Variants in SLC24A4 observed in about 807,000 individuals in gnomAD.
The protein encoded by SLC24A4 is sodium/potassium/calcium exchanger 4.
SLC24A4 carries 53 observed loss-of-function variants against 79.0 expected under a neutral mutation model. The ratio of observed to expected loss-of-function variants is 0.67; its 90% CI spans 0.54 to 0.84. The LOEUF (loss-of-function observed/expected upper bound fraction) is 0.84. Ranked by LOEUF, SLC24A4 falls within the 40% of genes least tolerant of loss-of-function variation. The pLI is 0.00. For synonymous variants in SLC24A4, 323 were observed against 323.8 expected (o/e 1.00, Z 0.03); for missense variants, 731 against 822.0 (o/e 0.89, Z 1.35).
At chr14:92,406,458 G>A (rs1050126632) in intron 2 of SLC24A4, among the ~76,000 whole-genome samples, 1 of 152,198 alleles carries the variant, frequency 6.6e-6, no homozygotes, top group Non-Finnish European at 1.5e-5. Context: ...CCTCTGCATG[G>A]CCCTAGTAGA....
chr14:92,345,410 G>A (rs1311713584), intron 2 of SLC24A4, among the ~76,000 whole-genome samples: 2 of 152,178 alleles, frequency 1.3e-5, no homozygotes, highest in African/African-American at 2.4e-5. Flanking sequence ...CAAAAGCATA[G>A]CACTTACAGG....
intron 2 of SLC24A4, among the ~76,000 whole-genome samples, chr14:92,385,272 T>C (rs1422705325): frequency 2.0e-5 from 3 of 152,094 alleles, no homozygotes; most frequent in African/African-American, 7.2e-5. Context: ...TTCGGGAGGC[T>C]GAGGTGGGCG....
chr14:92,462,675 G>C (rs1402927255), intron 12 of SLC24A4: 1 of 152,050 alleles, frequency 6.6e-6, no homozygotes, highest in South Asian at 2.1e-4. Context: ...TGGGATTATA[G>C]GCATGAGCCA....
At chr14:92,346,329 C>T (rs780400580) in intron 2 of SLC24A4, among the ~76,000 whole-genome samples, 33 of 152,148 alleles carry the variant, frequency 2.2e-4, no homozygotes, top group Non-Finnish European at 4.1e-4. Flanking sequence ...TCAGTTTTTC[C>T]GTCTGTAAAC....
At position 92,474,863 on chromosome 14, in the gene SLC24A4, A is replaced by ATATATATATATATAT. The variant is rs36185636; in HGVS notation, c.1256-7816_1256-7815insATATATATATATATT. Among the ~76,000 whole-genome samples the ATATATATATATATAT allele has an allele frequency of 3.3e-3, 189 of 57,082 alleles. 8 individuals are homozygous for ATATATATATATATAT. Among genetic ancestry groups the ATATATATATATATAT allele is most frequent in the African/African-American group, 7.6e-3 (117 of 15,388 alleles). The allele number at this position is 57,082 out of a possible 152,430, so 37.4% of individuals were successfully genotyped here. ...TGTGTGTATATATATATATATATAT[A>ATATATATATATATAT]TTTTTTTTTTTTTTAGTAGACACAG... On this transcript the variant is annotated intron_variant, in intron 12 of 16. Transcript: ENST00000532405.
chr14:92,474,863 A>ATATATATATATATATATATATGT, intron 12 of SLC24A4, among the ~76,000 whole-genome samples: 1 of 57,124 alleles, frequency 1.8e-5, no homozygotes, highest in Non-Finnish European at 3.4e-5. Flanking sequence ...ATATATATAT[A>ATATATATATATATATATATATGT]TTTTTTTTTT....
intron 12 of SLC24A4, among the ~76,000 whole-genome samples, chr14:92,464,477 C>A (rs537485854): frequency 6.6e-6 from 1 of 152,296 alleles, no homozygotes; most frequent in East Asian, 1.9e-4. Flanking sequence ...CCCAACAGAT[C>A]TTCGCATGCC....
At chr14:92,482,653 T>C in intron 12 of SLC24A4, 27 bp from the exon 13 acceptor site, 1 of 1,574,252 alleles carries the variant, frequency 6.4e-7, no homozygotes, top group South Asian at 1.2e-5. Context: ...TCCCCCTCCT[T>C]TCTCACTCTG....
At chr14:92,401,437 C>T (rs1890106840) in intron 2 of SLC24A4, among the ~76,000 whole-genome samples, 1 of 152,068 alleles carries the variant, frequency 6.6e-6, no homozygotes, top group South Asian at 2.1e-4. Context: ...CTAGTATGGC[C>T]TAAATGTGGA....
intron 8 of SLC24A4, among the ~76,000 whole-genome samples, chr14:92,445,772 C>T (rs958834857): frequency 6.6e-6 from 1 of 152,050 alleles, no homozygotes; most frequent in Admixed American, 6.6e-5. Flanking sequence ...CAGATCCCTA[C>T]CTCACACCTT....
chr14:92,403,192 C>T (rs1890199693), intron 2 of SLC24A4, among the ~76,000 whole-genome samples: 1 of 152,106 alleles, frequency 6.6e-6, no homozygotes, highest in African/African-American at 2.4e-5. Flanking sequence ...GGTGAGCAGC[C>T]TCTTCTCAGC....
chr14:92,439,278 T>G, intron 3 of SLC24A4, 57 bp from the exon 4 acceptor site: 1 of 1,488,940 alleles, frequency 6.7e-7, no homozygotes, highest in South Asian at 1.1e-5. Flanking sequence ...TGGTGGGCCC[T>G]TTGCAGCTGC....
At position 92,486,700 on chromosome 14, in the gene SLC24A4, A is replaced by G; in HGVS notation, c.1457A>G (p.Asp486Gly). Residue 486 changes from aspartate to glycine, a missense_variant, in exon 14 of 17, where the codon GAT (aspartate) becomes GGT (glycine). Coordinates refer to ENST00000532405, the MANE Select transcript of SLC24A4 (RefSeq NM_153646.4). ...TIIGYTLGIP[D>G]VIMGITFLAA... ...ATCGGATACACACTTGGGATCCCGG[A>G]TGTCATCATGGGCATTACTTTCCTG... 1 of 1,614,078 alleles carries G rather than the reference A, an allele frequency of 6.2e-7. No individual in the cohort carries two copies. Among genetic ancestry groups the G allele is most frequent in the Non-Finnish European group, 8.5e-7 (1 of 1,179,966 alleles).
At chr14:92,454,201 T>G (rs1247233923) in intron 11 of SLC24A4, 132 bp downstream of exon 11, 5 of 896,820 alleles carry the variant, frequency 5.6e-6, no homozygotes, top group Admixed American at 6.8e-5. Flanking sequence ...TCCAGAAGCC[T>G]GCCCATCAGC....
At chr14:92,393,868 A>C (rs1344296540) in intron 2 of SLC24A4, among the ~76,000 whole-genome samples, 1 of 151,710 alleles carries the variant, frequency 6.6e-6, no homozygotes, top group African/African-American at 2.4e-5. Context: ...AAAATTAGCC[A>C]GGTATGGTGG....
intron 13 of SLC24A4, among the ~76,000 whole-genome samples, chr14:92,485,374 A>T (rs1895291674): frequency 6.6e-6 from 1 of 152,008 alleles, no homozygotes; most frequent in Non-Finnish European, 1.5e-5. Flanking sequence ...CTGAAGTGGG[A>T]GGATTGCTTA....
intron 2 of SLC24A4, among the ~76,000 whole-genome samples, chr14:92,386,884 G>C (rs997391013): frequency 1.3e-4 from 20 of 152,290 alleles, no homozygotes; most frequent in African/African-American, 4.3e-4. Flanking sequence ...GAAATTTCCG[G>C]TCAAGGGAGG....
intron 2 of SLC24A4, among the ~76,000 whole-genome samples, chr14:92,372,311 T>G (rs1394365804): frequency 6.6e-6 from 1 of 152,168 alleles, no homozygotes; most frequent in Non-Finnish European, 1.5e-5. Flanking sequence ...TGTCCCATAC[T>G]GAATAAATGG....
At chr14:92,473,246 C>T (rs1377807197) in intron 12 of SLC24A4, among the ~76,000 whole-genome samples, 1 of 152,222 alleles carries the variant, frequency 6.6e-6, no homozygotes, top group African/African-American at 2.4e-5. Context: ...AAAGCAGAAC[C>T]TTCAGGATAT....
Sources: allele counts gnomAD v4.1 joint callset (sites outside exome capture counted in the v4.1 genomes callset), GRCh38; gene constraint gnomAD v4.1.1; transcripts MANE v1.5; gene names NCBI Gene and HGNC (gene_info 2026-07-23, HGNC 2026-07-21).